Variants in PPM1B observed in about 807,000 individuals in gnomAD.
PPM1B encodes the protein protein phosphatase 1B.
A neutral mutation model predicts 43.0 loss-of-function variants in PPM1B; 22 were observed. The ratio of observed to expected loss-of-function variants is 0.51; its 90% CI spans 0.37 to 0.73. The LOEUF is 0.73. PPM1B is among the 30% of genes least tolerant of loss of function. The pLI, the probability that PPM1B is intolerant of heterozygous loss-of-function variation, is 0.00. For synonymous variants in PPM1B, 217 were observed against 197.9 expected, an observed-to-expected ratio of 1.10 and a Z score of -0.81; for missense variants, 632 against 584.2, an observed-to-expected ratio of 1.08 and a Z score of -0.84.
At chr2:44,191,406 G>T (rs369507069) in intron 1 of PPM1B, among the ~76,000 whole-genome samples, 1 of 151,996 alleles carries the variant, frequency 6.6e-6, no homozygotes, top group Non-Finnish European at 1.5e-5. Flanking sequence ...AGTAGAGATG[G>T]GGTTTCACCA....
At chr2:44,232,581 C>G (rs1266013922), downstream of PPM1B, 2 of 1,355,112 alleles carry the variant, frequency 1.5e-6, no homozygotes. Context: ...ATACTCGTTA[C>G]ATCTGTATTG....
chr2:44,214,235 A>G (rs1669616034), intron 3 of PPM1B, among the ~76,000 whole-genome samples: 1 of 152,066 alleles, frequency 6.6e-6, no homozygotes, highest in Non-Finnish European at 1.5e-5. Context: ...GCCCGCCACC[A>G]TGCCTGGCTA....
At chr2:44,207,056 C>CG (rs1242465088) in intron 2 of PPM1B, among the ~76,000 whole-genome samples, 13 of 152,136 alleles carry the variant, frequency 8.5e-5, no homozygotes, top group Middle Eastern at 3.4e-3. Context: ...TCCAGATAAC[C>CG]GGGAATCTAA....
At chr2:44,195,856 C>G (rs1417139969) in intron 1 of PPM1B, among the ~76,000 whole-genome samples, 1 of 152,104 alleles carries the variant, frequency 6.6e-6, no homozygotes, top group Non-Finnish European at 1.5e-5. Context: ...CCTGGGAAAC[C>G]AGGTGACATG....
chr2:44,245,617 C>G (rs1670840738), downstream of PPM1B, among the ~76,000 whole-genome samples: 2 of 152,178 alleles, frequency 1.3e-5, no homozygotes, highest in South Asian at 4.1e-4. Context: ...GGTACAAAAA[C>G]CACCTGCCTT....
At chr2:44,186,060 A>C (rs1668103481) in intron 1 of PPM1B, among the ~76,000 whole-genome samples, 1 of 152,182 alleles carries the variant, frequency 6.6e-6, no homozygotes, top group South Asian at 2.1e-4. Context: ...TTCAAGCAGT[A>C]TAGGATTTGA....
chr2:44,216,709 C>T (rs1669734832), intron 3 of PPM1B, among the ~76,000 whole-genome samples: 1 of 152,006 alleles, frequency 6.6e-6, no homozygotes, highest in Non-Finnish European at 1.5e-5. Context: ...GGGTGGATCA[C>T]GAGGTCAGGA....
intron 1 of PPM1B, among the ~76,000 whole-genome samples, chr2:44,175,711 A>G (rs1667551001): frequency 6.6e-6 from 1 of 152,168 alleles, no homozygotes. Flanking sequence ...GGTTTTCTGT[A>G]ATTGGATAAA....
At chr2:44,179,048 G>T (rs1667731356) in intron 1 of PPM1B, among the ~76,000 whole-genome samples, 3 of 152,168 alleles carry the variant, frequency 2.0e-5, no homozygotes, top group African/African-American at 7.2e-5. Context: ...CCCATGGGAG[G>T]TAATTGAATC....
chr2:44,233,618 C>T (rs1670529800), downstream of PPM1B: 46 of 985,660 alleles, frequency 4.7e-5, no homozygotes, highest in Non-Finnish European at 5.4e-5. Flanking sequence ...GATGTAATTG[C>T]CCTTGTGTGT....
intron 5 of PPM1B, among the ~76,000 whole-genome samples, chr2:44,220,041 G>T (rs553172121): frequency 6.6e-6 from 1 of 152,118 alleles, no homozygotes; most frequent in African/African-American, 2.4e-5. Flanking sequence ...AATGAGTATA[G>T]GATGTTGACA....
At chr2:44,193,575 CTTT>C (rs575288322) in intron 1 of PPM1B, among the ~76,000 whole-genome samples, 18 of 116,716 alleles carry the variant, frequency 1.5e-4, no homozygotes, top group Admixed American at 2.7e-4. Flanking sequence ...AATTTTTTTT[CTTT>C]TTTTTTTTTT....
intron 5 of PPM1B, among the ~76,000 whole-genome samples, chr2:44,224,633 AAGTT>A (rs901919945): frequency 9.2e-5 from 14 of 151,992 alleles, no homozygotes; most frequent in Middle Eastern, 3.4e-3. Context: ...TATTTGGTGT[AAGTT>A]AGTATTTTCA....
Position 44,231,197 on chromosome 2 carries a change from GGAT to G in PPM1B, c.*483_*485del, listed in dbSNP as rs368237085. 1.1e-5 allele frequency: 11 copies of G among 984,008 alleles called. No individual in the cohort carries two copies. In the African/African-American group the frequency reaches 1.6e-4, roughly 14 times the overall value. 61.0% of individuals were successfully genotyped at this position (984,008 alleles called of 1,614,324 possible). On this transcript the variant is annotated 3_prime_UTR_variant, in exon 6 of 6. Transcript: ENST00000282412. The stretch of plus-strand genomic sequence containing the variant: ...TGCTGGCCTGTAATTTTTCTTTCAA[GGAT>G]GATAATTTGTGTGTTGTTTGATTTG...
At chr2:44,179,312 G>A (rs960879801) in intron 1 of PPM1B, among the ~76,000 whole-genome samples, 1 of 152,124 alleles carries the variant, frequency 6.6e-6, no homozygotes, top group Non-Finnish European at 1.5e-5. Flanking sequence ...TCTGCAGTGT[G>A]AAAAAGTACT....
rs1670453898 is a variant in PPM1B, at chr2:44,231,141, T to C, written c.*423T>C. On this transcript the variant is annotated 3_prime_UTR_variant, in exon 6 of 6. Coordinates refer to ENST00000282412, the MANE Select transcript of PPM1B (RefSeq NM_002706.6). ...CTTTGTAATAAATTTATGTTTTCTT[T>C]AATAATTTTAGTTCTTCAAAGAATG... is the stretch of plus-strand genomic sequence containing the variant. 1 of 952,410 alleles carries C rather than the reference T, an allele frequency of 1.0e-6. No homozygotes were observed. Among genetic ancestry groups the C allele is most frequent in the Non-Finnish European group, 1.2e-6 (1 of 800,028 alleles). The allele number at this position is 952,410 out of a possible 1,614,324, so 59.0% of individuals were successfully genotyped here.
intron 1 of PPM1B, among the ~76,000 whole-genome samples, chr2:44,180,193 A>G (rs968618016): frequency 6.6e-6 from 1 of 152,120 alleles, no homozygotes; most frequent in African/African-American, 2.4e-5. Context: ...CTTTTCCTTC[A>G]TATATTTCTC....
At chr2:44,211,504 G>T (rs745453909) in intron 3 of PPM1B, among the ~76,000 whole-genome samples, 118 of 152,210 alleles carry the variant, frequency 7.8e-4, no homozygotes, top group Non-Finnish European at 1.5e-3. Context: ...GATTTATAAT[G>T]TTAACATCTT....
intron 5 of PPM1B, chr2:44,218,846 G>T (rs1294693863): frequency 4.3e-6 from 2 of 462,764 alleles, no homozygotes; most frequent in Non-Finnish European, 8.6e-6. Context: ...TAATTTTGAG[G>T]CAAGAATGCT....
Sources: allele counts gnomAD v4.1 joint callset (sites outside exome capture counted in the v4.1 genomes callset), GRCh38; gene constraint gnomAD v4.1.1; transcripts MANE v1.5; gene names NCBI Gene and HGNC (gene_info 2026-07-23, HGNC 2026-07-21).